DTWD2: variants seen among roughly 807,000 people sequenced by gnomAD.
DTWD2 encodes tRNA-uridine aminocarboxypropyltransferase 2.
A neutral mutation model predicts 31.8 loss-of-function variants in DTWD2; 39 were observed. That is an observed-to-expected ratio of 1.22 (90% CI 0.95 to 1.60). The LOEUF (loss-of-function observed/expected upper bound fraction) is 1.60, where lower values mean the gene tolerates loss of function less well. DTWD2 is among the 40% of genes most tolerant of loss of function. DTWD2 has a pLI of 0.00. For synonymous variants in DTWD2, 180 were observed against 142.8 expected, an observed-to-expected ratio of 1.26 and a Z score of -1.86; for missense variants, 515 against 381.5, an observed-to-expected ratio of 1.35 and a Z score of -2.92.
intron 4 of DTWD2, among the ~76,000 whole-genome samples, chr5:118,900,727 C>T (rs1246003273): frequency 6.6e-6 from 1 of 151,826 alleles, no homozygotes; most frequent in African/African-American, 2.4e-5. Flanking sequence ...GAGATCGAGA[C>T]CATCCTGGCT....
rs1328439148 is a variant in DTWD2, at chr5:118,855,182, T to A, written c.598-6964A>T. On this transcript the variant is annotated intron_variant, in intron 4 of 5. Coordinates refer to ENST00000510708, the MANE Select transcript of DTWD2 (RefSeq NM_173666.4). ...ACTCTGTCTCAAAAAAAAAAAATAATCATCATCATTTTCGGACCTGTAACT... is the reference window on the plus strand; with the variant it reads ...ACTCTGTCTCAAAAAAAAAAAATAAACATCATCATTTTCGGACCTGTAACT... 4.0e-5 allele frequency among the ~76,000 whole-genome samples: 6 copies of A among 148,266 alleles called. No individual in the cohort carries two copies. The East Asian group carries it at 1.2e-3, about 30-fold the overall frequency.
At chr5:118,863,907 C>T (rs1368735400) in intron 4 of DTWD2, among the ~76,000 whole-genome samples, 2 of 151,894 alleles carry the variant, frequency 1.3e-5, no homozygotes, top group Non-Finnish European at 2.9e-5. Flanking sequence ...GGGTTGAACC[C>T]ATGTCTGTCC....
At chr5:118,939,794 G>C (rs566995219) in intron 2 of DTWD2, among the ~76,000 whole-genome samples, 1 of 152,144 alleles carries the variant, frequency 6.6e-6, no homozygotes, top group Admixed American at 6.5e-5. Context: ...TATGTCAAAG[G>C]GACACAGAAG....
chr5:118,904,844 T>C (rs1218800961), intron 4 of DTWD2, among the ~76,000 whole-genome samples: 2 of 152,196 alleles, frequency 1.3e-5, no homozygotes, highest in Non-Finnish European at 2.9e-5. Context: ...AAGTCTACAA[T>C]ACAAACAAAG....
chr5:118,931,372 T>C (rs1753918807), intron 3 of DTWD2, among the ~76,000 whole-genome samples: 1 of 145,928 alleles, frequency 6.9e-6, no homozygotes, highest in Non-Finnish European at 1.5e-5. Context: ...ACACTCAAGC[T>C]TGAGCAACAG....
intron 4 of DTWD2, among the ~76,000 whole-genome samples, chr5:118,849,856 T>A (rs1751956490): frequency 1.3e-5 from 2 of 151,824 alleles, no homozygotes; most frequent in African/African-American, 4.8e-5. Context: ...GAGGGGAACA[T>A]CACACACCAG....
intron 1 of DTWD2, among the ~76,000 whole-genome samples, chr5:118,945,349 T>C (rs960085836): frequency 6.6e-6 from 1 of 152,148 alleles, no homozygotes; most frequent in East Asian, 1.9e-4. Flanking sequence ...TCCTCCAGCC[T>C]ACAGTATTCT....
At chr5:118,922,464 G>A (rs1426851167) in intron 4 of DTWD2, among the ~76,000 whole-genome samples, 1 of 152,010 alleles carries the variant, frequency 6.6e-6, no homozygotes, top group Non-Finnish European at 1.5e-5. Flanking sequence ...CAAAAAACAG[G>A]GGTGGGGGTA....
intron 1 of DTWD2, among the ~76,000 whole-genome samples, chr5:118,950,213 C>CAAA (rs764214153): frequency 1.3e-3 from 63 of 49,524 alleles, no homozygotes; most frequent in African/African-American, 2.3e-3. Flanking sequence ...ACTCCATCTC[C>CAAA]AAAAAAAAAA....
At chr5:118,841,378 A>G (rs3813298) in intron 5 of DTWD2, among the ~76,000 whole-genome samples, 53,960 of 152,096 alleles carry the variant, frequency 0.35, 11,770 homozygotes, top group African/African-American at 0.62. Context: ...CAAACACCAC[A>G]AAAAATTGTT....
chr5:118,922,984 T>C (rs559342633), intron 4 of DTWD2, among the ~76,000 whole-genome samples: 23 of 152,344 alleles, frequency 1.5e-4, no homozygotes, highest in South Asian at 1.2e-3. Context: ...TATTCTTTTT[T>C]TTAACCAGCA....
At chr5:118,939,629 A>G (rs1304640402) in intron 2 of DTWD2, among the ~76,000 whole-genome samples, 1 of 152,198 alleles carries the variant, frequency 6.6e-6, no homozygotes, top group Non-Finnish European at 1.5e-5. Flanking sequence ...ACAAGTAATT[A>G]CATTTTGCAC....
intron 4 of DTWD2, among the ~76,000 whole-genome samples, chr5:118,876,799 A>G (rs1327974480): frequency 6.6e-6 from 1 of 152,214 alleles, no homozygotes; most frequent in Non-Finnish European, 1.5e-5. Context: ...TGCCAAATGT[A>G]CAAGAAGAGC....
chr5:118,844,749 T>G (rs1395852810), intron 5 of DTWD2, among the ~76,000 whole-genome samples: 3 of 151,954 alleles, frequency 2.0e-5, no homozygotes, highest in South Asian at 4.1e-4. Flanking sequence ...GAATAAAGAG[T>G]GAGGATGAGA....
At chr5:118,860,675 C>T (rs1349615800) in intron 4 of DTWD2, among the ~76,000 whole-genome samples, 1 of 152,078 alleles carries the variant, frequency 6.6e-6, no homozygotes, top group Non-Finnish European at 1.5e-5. Context: ...CATAATAGAG[C>T]ATATTGTTTA....
Position 118,966,822 on chromosome 5 carries a change from G to C in DTWD2, c.218+21472C>G, listed in dbSNP as rs299200. ...AGGTGTGAGGATCACCTGAGGTCAG[G>C]AGTGCGAGAACAGCCTGACCAATGT... On this transcript the variant is annotated intron_variant, in intron 1 of 5. Coordinates refer to ENST00000510708, the MANE Select transcript of DTWD2 (RefSeq NM_173666.4). Among the ~76,000 whole-genome samples the C allele has an allele frequency of 2.8e-3, 426 of 152,204 alleles. 8 individuals carry two copies. Among genetic ancestry groups the C allele is most frequent in the African/African-American group, 9.2e-3 (382 of 41,528 alleles).
chr5:118,875,560 T>A (rs2149551675), intron 4 of DTWD2, among the ~76,000 whole-genome samples: 1 of 126,766 alleles, frequency 7.9e-6, no homozygotes, highest in Non-Finnish European at 1.6e-5. Flanking sequence ...AATCCTAGTT[T>A]CTGAAAAAAA....
chr5:118,960,019 T>C (rs1253211979), intron 1 of DTWD2, among the ~76,000 whole-genome samples: 1 of 152,082 alleles, frequency 6.6e-6, no homozygotes, highest in Non-Finnish European at 1.5e-5. Flanking sequence ...AACACCACTA[T>C]AGACTAGGCA....
chr5:118,964,298 A>T (rs1017170452), intron 1 of DTWD2, among the ~76,000 whole-genome samples: 5 of 152,020 alleles, frequency 3.3e-5, no homozygotes, highest in Admixed American at 6.5e-5. Context: ...TCAGGATGAG[A>T]TTGGTTCCAA....
Sources: allele counts gnomAD v4.1 joint callset (sites outside exome capture counted in the v4.1 genomes callset), GRCh38; gene constraint gnomAD v4.1.1; transcripts MANE v1.5; gene names NCBI Gene and HGNC (gene_info 2026-07-23, HGNC 2026-07-21).